Variants in MDFIC observed in about 807,000 individuals in gnomAD.
The protein encoded by MDFIC is MyoD family inhibitor domain containing.
Under a neutral mutation model 23.2 loss-of-function variants are expected in MDFIC, and 17 were observed. The observed-to-expected ratio is 0.73, with a 90% confidence interval of 0.50 to 1.10. MDFIC has a LOEUF of 1.10. Ranked by LOEUF, MDFIC falls within the 50% of genes least tolerant of loss-of-function variation. The pLI is 0.00. For synonymous variants in MDFIC, 120 were observed against 115.2 expected (o/e 1.04, Z -0.27); for missense variants, 356 against 316.6 (o/e 1.12, Z -0.95).
intron 4 of MDFIC, among the ~76,000 whole-genome samples, chr7:115,002,874 A>G (rs7792017): frequency 0.44 from 66,194 of 152,070 alleles, 15,076 homozygotes; most frequent in Admixed American, 0.58. Flanking sequence ...CTGTCTAAAA[A>G]TATATGTGTA....
chr7:114,971,146 T>TA (rs35165541), intron 3 of MDFIC, among the ~76,000 whole-genome samples: 4 of 152,326 alleles, frequency 2.6e-5, no homozygotes, highest in South Asian at 2.1e-4. Context: ...CTGAAGGCCA[T>TA]AAAAAGTCTA....
At position 114,929,082 on chromosome 7, in the gene MDFIC, T is replaced by C. The variant is rs1017811828; in HGVS notation, c.94+5955T>C. Among the ~76,000 whole-genome samples, 208 of 144,222 alleles carry C rather than the reference T, an allele frequency of 1.4e-3. 1 individual carries two copies. Among genetic ancestry groups the C allele is most frequent in the Non-Finnish European group, 2.5e-3 (168 of 66,350 alleles). 94.6% of individuals were successfully genotyped at this position (144,222 alleles called of 152,430 possible). On this transcript the variant is annotated intron_variant, in intron 2 of 4. Transcript: ENST00000393486. ...ATAGATATAGATCTATAGATAAATA[T>C]AGATCTATCTATCTATCTATCATCT...
intron 2 of MDFIC, among the ~76,000 whole-genome samples, chr7:114,933,253 C>T (rs76334204): frequency 1.9e-4 from 26 of 135,896 alleles, no homozygotes; most frequent in Non-Finnish European, 2.6e-4. Flanking sequence ...GTGTTCCATT[C>T]TTTTTTTTTT....
intron 3 of MDFIC, among the ~76,000 whole-genome samples, chr7:114,947,781 G>C (rs1034408574): frequency 6.6e-6 from 1 of 152,156 alleles, no homozygotes; most frequent in South Asian, 2.1e-4. Flanking sequence ...ATTTTTAAAA[G>C]GGAGGTGCTA....
intron 2 of MDFIC, among the ~76,000 whole-genome samples, chr7:114,924,020 A>T (rs1008396329): frequency 1.3e-5 from 2 of 152,206 alleles, no homozygotes; most frequent in Non-Finnish European, 2.9e-5. Context: ...TTTTTAAGGC[A>T]GCAAAAATTG....
At chr7:115,009,938 G>C (rs964070473) in intron 4 of MDFIC, among the ~76,000 whole-genome samples, 1 of 152,144 alleles carries the variant, frequency 6.6e-6, no homozygotes, top group African/African-American at 2.4e-5. Flanking sequence ...ACACTGAATT[G>C]TGCAATTCTT....
At position 114,942,178 on chromosome 7, in the gene MDFIC, A is replaced by T. The variant is rs574396026; in HGVS notation, c.95-97A>T. The T allele has an allele frequency of 6.3e-5, 47 of 742,680 alleles. No individual in the cohort carries two copies. The African/African-American group carries it at 8.7e-4, about 14-fold the overall frequency. 46.0% of individuals were successfully genotyped at this position (742,680 alleles called of 1,614,324 possible). A position where few individuals can be genotyped will look rare whatever the true frequency, so the allele number is the denominator to read the frequency against. On this transcript the variant is annotated intron_variant, in intron 2 of 4. Transcript: ENST00000393486. ...TATACCTGTTCTATTTCCTTAAATT[A>T]TGGCAGACTTGGAAGCATTTAGAAA...
intron 2 of MDFIC, among the ~76,000 whole-genome samples, chr7:114,941,484 A>G (rs1224933784): frequency 1.3e-5 from 2 of 152,126 alleles, no homozygotes; most frequent in Non-Finnish European, 2.9e-5. Context: ...TCCCATCTGG[A>G]CTTTTGGAAA....
intron 3 of MDFIC, among the ~76,000 whole-genome samples, chr7:114,960,237 A>G (rs762861598): frequency 3.9e-5 from 6 of 152,218 alleles, no homozygotes; most frequent in Non-Finnish European, 5.9e-5. Flanking sequence ...CTAGATGGAT[A>G]TGAGTCACAC....
intron 2 of MDFIC, among the ~76,000 whole-genome samples, chr7:114,940,963 A>G (rs1357066271): frequency 6.6e-6 from 1 of 151,802 alleles, no homozygotes; most frequent in Non-Finnish European, 1.5e-5. Flanking sequence ...CAACTTCAAT[A>G]TGGGCTTTGC....
intron 2 of MDFIC, among the ~76,000 whole-genome samples, chr7:114,933,344 C>T (rs892048889): frequency 1.3e-5 from 2 of 151,478 alleles, no homozygotes; most frequent in Non-Finnish European, 2.9e-5. Context: ...CTGCAGCCTC[C>T]GCCTCCCAGG....
chr7:115,002,719 A>T (rs1427277022), intron 4 of MDFIC, among the ~76,000 whole-genome samples: 1 of 152,146 alleles, frequency 6.6e-6, no homozygotes, highest in Admixed American at 6.5e-5. Context: ...TTTACCTTCC[A>T]TTCAAAGGAG....
intron 3 of MDFIC, among the ~76,000 whole-genome samples, chr7:114,960,675 C>T (rs1280424220): frequency 1.3e-5 from 2 of 152,118 alleles, no homozygotes; most frequent in Non-Finnish European, 2.9e-5. Flanking sequence ...TAAGTGTTAA[C>T]ATTTTTCCAA....
In MDFIC at chr7:115,016,752, T is replaced by A. The variant is rs1791804169; in HGVS notation, c.*817T>A. The A allele has an allele frequency of 6.5e-6, 1 of 152,906 alleles. No homozygotes were observed. The highest frequency in any genetic ancestry group is 2.1e-4 in the South Asian group (1 of 4,844). The allele number at this position is 152,906 out of a possible 1,614,324, so 9.5% of individuals were successfully genotyped here. A position where few individuals can be genotyped will look rare whatever the true frequency, so the allele number is the denominator to read the frequency against. On this transcript the variant is annotated 3_prime_UTR_variant, in exon 5 of 5. Transcript: ENST00000393486. ...AACCCACATAATAGTTGGGAACCAG[T>A]GTTGATCTCTCTCCCTTACCTTCTC...
chr7:114,980,718 T>C (rs1311700350), intron 4 of MDFIC, among the ~76,000 whole-genome samples: 26 of 152,240 alleles, frequency 1.7e-4, no homozygotes, highest in Non-Finnish European at 3.7e-4. Flanking sequence ...TATTTCTCCT[T>C]ATTCCCCTTT....
intron 4 of MDFIC, among the ~76,000 whole-genome samples, chr7:114,993,166 T>C: frequency 6.6e-6 from 1 of 152,188 alleles, no homozygotes; most frequent in Non-Finnish European, 1.5e-5. Context: ...TCTCTGATGG[T>C]AGTTTGTATT....
chr7:114,929,765 A>G (rs1310896096), intron 2 of MDFIC, among the ~76,000 whole-genome samples: 2 of 152,148 alleles, frequency 1.3e-5, no homozygotes, highest in African/African-American at 4.8e-5. Context: ...CTCACTGTGC[A>G]CTAATGAGAA....
rs745543242 is a variant in MDFIC at position 114,922,583 on chromosome 7, A to AGAG, written c.-143_-141dup. 74 of 1,266,832 alleles carry AGAG rather than the reference A, an allele frequency of 5.8e-5. No homozygotes were observed. Among genetic ancestry groups the AGAG allele is most frequent in the Middle Eastern group, 4.7e-4 (2 of 4,294 alleles). The allele number at this position is 1,266,832 out of a possible 1,614,324, so 78.5% of individuals were successfully genotyped here. ...AGGCTCGCTAACTTTCCGGGGCGGA[A>AGAG]GAGGAGGAGGAGGAGGAGGAAGGGG... On this transcript the variant is annotated 5_prime_UTR_variant, in exon 1 of 5. Transcript: ENST00000393486.
intron 3 of MDFIC, among the ~76,000 whole-genome samples, chr7:114,971,512 A>G (rs1384946406): frequency 2.0e-5 from 3 of 152,180 alleles, no homozygotes; most frequent in South Asian, 2.1e-4. Context: ...AAGTTTGTCA[A>G]TATATTCATT....
Sources: gnomAD v4.1 joint callset for allele counts (sites outside exome capture counted in the v4.1 genomes callset) on GRCh38, gnomAD v4.1.1 for gene constraint, MANE v1.5 for transcripts, NCBI Gene and HGNC (gene_info 2026-07-23, HGNC 2026-07-21) for gene names.